VWA8: variants seen among roughly 807,000 people sequenced by gnomAD.
VWA8 encodes the protein von Willebrand factor A domain-containing protein 8.
VWA8 carries 221 observed loss-of-function variants against 241.5 expected under a neutral mutation model. The ratio of observed to expected loss-of-function variants is 0.91; its 90% CI spans 0.82 to 1.02. The LOEUF is 1.02. Among genes scored for constraint, VWA8 ranks in the 50% least tolerant of loss-of-function variants. The pLI is 0.00. For synonymous variants in VWA8, 852 were observed against 827.1 expected, an observed-to-expected ratio of 1.03 and a Z score of -0.52; for missense variants, 2,322 against 2,328.7, an observed-to-expected ratio of 1.00 and a Z score of 0.06.
intron 18 of VWA8, among the ~76,000 whole-genome samples, chr13:41,787,217 A>T (rs1869235388): frequency 6.9e-6 from 1 of 145,398 alleles, no homozygotes; most frequent in Admixed American, 7.2e-5. Context: ...GGGGAATTGT[A>T]TCTAGTATGT....
At position 41,570,898 on chromosome 13, in the gene VWA8, T is replaced by C. The variant is rs75998654; in HGVS notation, c.5371-192A>G. The stretch of plus-strand genomic sequence containing the variant: ...ATACAGTGATATTTGTTATCTGGCA[T>C]AGAATTTCATTAGATATAGGATATC... On this transcript the variant is annotated intron_variant, in intron 43 of 44. Coordinates refer to ENST00000379310, the MANE Select transcript of VWA8 (RefSeq NM_015058.2). Among the ~76,000 whole-genome samples, 6 of 152,222 alleles carry C rather than the reference T, an allele frequency of 3.9e-5. No individual in the cohort carries two copies. The East Asian group carries it at 1.2e-3, about 29-fold the overall frequency.
intron 37 of VWA8, among the ~76,000 whole-genome samples, chr13:41,668,335 CATCT>C (rs779190420): frequency 2.0e-5 from 3 of 152,052 alleles, no homozygotes; most frequent in Non-Finnish European, 2.9e-5. Flanking sequence ...AAAGTAAGTC[CATCT>C]GGCCACTAGA....
At chr13:41,771,417 C>T (rs1349875130) in intron 20 of VWA8, among the ~76,000 whole-genome samples, 2 of 152,160 alleles carry the variant, frequency 1.3e-5, no homozygotes, top group South Asian at 4.2e-4. Context: ...GCCACCTCGC[C>T]CAGCCTAAAA....
intron 21 of VWA8, among the ~76,000 whole-genome samples, chr13:41,735,414 A>G (rs1204463835): frequency 2.0e-5 from 3 of 152,328 alleles, no homozygotes; most frequent in Middle Eastern, 6.8e-3. Context: ...TAGATTTCTC[A>G]AAAGACTTCT....
chr13:41,898,952 C>T (rs1366147542), intron 4 of VWA8, among the ~76,000 whole-genome samples: 1 of 152,214 alleles, frequency 6.6e-6, no homozygotes, highest in Admixed American at 6.5e-5. Context: ...GATTCCCGCT[C>T]GCGCCTCTTC....
chr13:41,737,422 T>C (rs909344966), intron 21 of VWA8, among the ~76,000 whole-genome samples: 1 of 152,244 alleles, frequency 6.6e-6, no homozygotes, highest in Admixed American at 6.5e-5. Flanking sequence ...GTTTACAGTC[T>C]GAGCTGTCTG....
intron 16 of VWA8, among the ~76,000 whole-genome samples, chr13:41,816,056 T>C (rs540791371): frequency 1.3e-5 from 2 of 152,272 alleles, no homozygotes; most frequent in Non-Finnish European, 2.9e-5. Context: ...AGATTTAAAA[T>C]GGAAAGACAG....
chr13:41,851,515 C>G (rs1311947611), intron 12 of VWA8, among the ~76,000 whole-genome samples: 1 of 152,130 alleles, frequency 6.6e-6, no homozygotes, highest in South Asian at 2.1e-4. Flanking sequence ...AATCATGGAG[C>G]CTGGTCTTTC....
intron 9 of VWA8, among the ~76,000 whole-genome samples, chr13:41,879,030 T>G (rs1275725567): frequency 6.6e-6 from 1 of 152,182 alleles, no homozygotes; most frequent in Non-Finnish European, 1.5e-5. Context: ...CCTGAGGATG[T>G]GCCCTTGTTC....
At chr13:41,728,723 C>A (rs2045457296) in intron 23 of VWA8, among the ~76,000 whole-genome samples, 1 of 151,744 alleles carries the variant, frequency 6.6e-6, no homozygotes, top group South Asian at 2.1e-4. Flanking sequence ...TAGTGCTAAG[C>A]TCATACTCAG....
intron 37 of VWA8, among the ~76,000 whole-genome samples, chr13:41,652,283 C>T (rs568264042): frequency 4.1e-4 from 62 of 152,306 alleles, no homozygotes; most frequent in Non-Finnish European, 7.9e-4. Flanking sequence ...AGGGAAGCCA[C>T]ATGGGGAAGA....
intron 29 of VWA8, among the ~76,000 whole-genome samples, chr13:41,696,797 T>C (rs575310132): frequency 7.2e-5 from 11 of 152,224 alleles, no homozygotes; most frequent in Non-Finnish European, 1.6e-4. Context: ...ATCTACTCTA[T>C]TGGTCACTCA....
At chr13:41,611,209 C>T (rs952700756) in intron 39 of VWA8, among the ~76,000 whole-genome samples, 1 of 150,666 alleles carries the variant, frequency 6.6e-6, no homozygotes, top group African/African-American at 2.5e-5. Flanking sequence ...GACTTTAGCA[C>T]TTAACTCTGT....
At chr13:41,901,493 G>A (rs193213502) in intron 4 of VWA8, among the ~76,000 whole-genome samples, 12 of 152,244 alleles carry the variant, frequency 7.9e-5, no homozygotes, top group Non-Finnish European at 1.3e-4. Context: ...CTAGCACAAC[G>A]TAGGTCTCCC....
At chr13:41,664,151 A>C (rs1241007225) in intron 37 of VWA8, among the ~76,000 whole-genome samples, 1 of 151,934 alleles carries the variant, frequency 6.6e-6, no homozygotes, top group Non-Finnish European at 1.5e-5. Context: ...AGATTTGCAC[A>C]TTTAATAATG....
chr13:41,805,578 C>G (rs1458038811), intron 17 of VWA8, among the ~76,000 whole-genome samples: 1 of 152,054 alleles, frequency 6.6e-6, no homozygotes. Context: ...CTTTGGGAGG[C>G]TGAGATGGGC....
At chr13:41,863,455 T>TATATATA (rs1566485517) in intron 12 of VWA8, among the ~76,000 whole-genome samples, 6 of 87,184 alleles carry the variant, frequency 6.9e-5, no homozygotes, top group Non-Finnish European at 1.2e-4. Flanking sequence ...ATATATATAT[T>TATATATA]CACACACACA....
intron 4 of VWA8, among the ~76,000 whole-genome samples, chr13:41,906,538 T>C (rs897411932): frequency 1.3e-5 from 2 of 152,180 alleles, no homozygotes; most frequent in Admixed American, 1.3e-4. Flanking sequence ...ATTCATCTCA[T>C]TCTTTTTAAT....
chr13:41,926,450 G>T, intron 2 of VWA8: 1 of 524,700 alleles, frequency 1.9e-6, no homozygotes, highest in South Asian at 1.5e-5. Flanking sequence ...CATCACTTAT[G>T]ACAATGCGCT....
Sources: allele counts gnomAD v4.1 joint callset (sites outside exome capture counted in the v4.1 genomes callset), GRCh38; gene constraint gnomAD v4.1.1; transcripts MANE v1.5; gene names NCBI Gene and HGNC (gene_info 2026-07-23, HGNC 2026-07-21).